The following AMD1 variants were observed in gnomAD, a reference collection of about 807,000 sequenced individuals.
AMD1 encodes the protein adenosylmethionine decarboxylase 1, also known as S-adenosylmethionine decarboxylase proenzyme.
Under a neutral mutation model 40.2 loss-of-function variants are expected in AMD1, and 11 were observed. That is an observed-to-expected ratio of 0.27 (90% CI 0.17 to 0.45). AMD1 has a LOEUF of 0.45. Ranked by LOEUF, AMD1 falls within the 20% of genes least tolerant of loss-of-function variation. The probability of loss-of-function intolerance (pLI) is 1.00; values close to 1 mark genes in which losing one functional copy is unlikely to be tolerated. For synonymous variants in AMD1, 121 were observed against 130.8 expected (o/e 0.93, Z 0.51); for missense variants, 257 against 410.2 (o/e 0.63, Z 3.23).
chr6:110,879,766 A>G (rs556047220), intron 1 of AMD1, among the ~76,000 whole-genome samples: 1 of 152,288 alleles, frequency 6.6e-6, no homozygotes, highest in African/African-American at 2.4e-5. Flanking sequence ...AATTACCTGA[A>G]CTCTGAAACC....
chr6:110,892,885 TA>T (rs1304245696), intron 7 of AMD1, 24 bp from the exon 8 acceptor site: 3 of 1,613,258 alleles, frequency 1.9e-6, no homozygotes, highest in Middle Eastern at 1.7e-4. Flanking sequence ...TTTCCATTCT[TA>T]ACACTGTGAA....
intron 8 of AMD1, 140 bp from the exon 9 acceptor site, chr6:110,893,336 C>G: frequency 8.4e-7 from 1 of 1,184,658 alleles, no homozygotes; most frequent in South Asian, 1.5e-5. Flanking sequence ...ATGCCCTGGC[C>G]CCTCCAGCAC....
chr6:110,877,856 A>C (rs1232987057), intron 1 of AMD1, among the ~76,000 whole-genome samples: 1 of 152,212 alleles, frequency 6.6e-6, no homozygotes, highest in Non-Finnish European at 1.5e-5. Context: ...GAACAGATGG[A>C]ATTAAACAAA....
At chr6:110,858,487 C>G in the AMD1 span, 1 of 1,407,532 alleles carries the variant, frequency 7.1e-7, no homozygotes, top group Non-Finnish European at 1.0e-6. Context: ...AGAACTGGCA[C>G]CAACTAGAAA....
At chr6:110,838,421 T>A in the AMD1 span, among the ~76,000 whole-genome samples, 1 of 152,014 alleles carries the variant, frequency 6.6e-6, no homozygotes, top group Non-Finnish European at 1.5e-5. Context: ...GAATTAGAGA[T>A]AATCCACTTC....
chr6:110,860,866 CACACAGAG>C, the AMD1 span, among the ~76,000 whole-genome samples: 309 of 145,564 alleles, frequency 2.1e-3, no homozygotes, highest in African/African-American at 8.0e-3. Flanking sequence ...CACACACACA[CACACAGAG>C]AGAGAGAACA....
At chr6:110,843,653 C>G in the AMD1 span, among the ~76,000 whole-genome samples, 1 of 152,106 alleles carries the variant, frequency 6.6e-6, no homozygotes, top group Non-Finnish European at 1.5e-5. Flanking sequence ...GTGGCGCCAT[C>G]TTGGCTCACT....
chr6:110,855,065 C>CTCTT, the AMD1 span, among the ~76,000 whole-genome samples: 24 of 80,466 alleles, frequency 3.0e-4, no homozygotes, highest in African/African-American at 1.1e-3. Flanking sequence ...CTCTCTCTCT[C>CTCTT]TTTTTTTTTT....
chr6:110,891,348 A>G (rs758565958), intron 4 of AMD1: 3 of 152,238 alleles, frequency 2.0e-5, no homozygotes, highest in Non-Finnish European at 2.9e-5. Flanking sequence ...ATGAAGAAGG[A>G]TATGATTCCC....
the AMD1 span, among the ~76,000 whole-genome samples, chr6:110,862,484 TGAGACA>T: frequency 6.6e-6 from 1 of 151,292 alleles, no homozygotes; most frequent in African/African-American, 2.4e-5. Flanking sequence ...TTTTTTTTTT[TGAGACA>T]GAGTTTTGCT....
the AMD1 span, among the ~76,000 whole-genome samples, chr6:110,854,712 T>C: frequency 6.6e-6 from 1 of 152,164 alleles, no homozygotes; most frequent in Non-Finnish European, 1.5e-5. Flanking sequence ...CCTCCCAAAG[T>C]GCTAGGATTA....
At chr6:110,831,657 A>G in the AMD1 span, among the ~76,000 whole-genome samples, 332 of 151,916 alleles carry the variant, frequency 2.2e-3, 8 homozygotes, top group Admixed American at 0.017. Flanking sequence ...TGTCAATTCC[A>G]TCTTTCACTT....
At chr6:110,839,957 T>C in the AMD1 span, among the ~76,000 whole-genome samples, 1 of 151,714 alleles carries the variant, frequency 6.6e-6, no homozygotes. Flanking sequence ...GATTAATTAA[T>C]ATCACCCCCA....
At chr6:110,835,877 C>A in the AMD1 span, among the ~76,000 whole-genome samples, 2 of 150,302 alleles carry the variant, frequency 1.3e-5, no homozygotes, top group Non-Finnish European at 3.0e-5. Context: ...CCACCCCACC[C>A]CCCAAAAAAA....
the AMD1 span, among the ~76,000 whole-genome samples, chr6:110,829,513 A>C: frequency 6.6e-6 from 1 of 150,380 alleles, no homozygotes; most frequent in Admixed American, 6.6e-5. Context: ...CTAAAAATAC[A>C]AAAAAATTAG....
the AMD1 span, among the ~76,000 whole-genome samples, chr6:110,832,977 C>T: frequency 5.3e-5 from 8 of 152,118 alleles, no homozygotes; most frequent in South Asian, 2.1e-4. Flanking sequence ...CCCACCACCA[C>T]GCCTGGCCAA....
intron 3 of AMD1, 91 bp from the exon 4 acceptor site, chr6:110,890,163 T>TA (rs1295058663): frequency 4.2e-6 from 4 of 949,074 alleles, no homozygotes; most frequent in Non-Finnish European, 6.2e-6. Context: ...GAGTTTTTGA[T>TA]ATGTGGACAA....
chr6:110,881,872 A>C (rs912138176), intron 1 of AMD1, among the ~76,000 whole-genome samples: 1 of 152,142 alleles, frequency 6.6e-6, no homozygotes, highest in Non-Finnish European at 1.5e-5. Context: ...ATAATTTCTA[A>C]TGACTAGATC....
At chr6:110,832,366 G>T in the AMD1 span, among the ~76,000 whole-genome samples, 1 of 150,706 alleles carries the variant, frequency 6.6e-6, no homozygotes, top group Non-Finnish European at 1.5e-5. Flanking sequence ...TCCAAAGCTG[G>T]TCTCAAACTC....
Sources: allele counts gnomAD v4.1 joint callset (sites outside exome capture counted in the v4.1 genomes callset), GRCh38; gene constraint gnomAD v4.1.1; transcripts MANE v1.5; gene names NCBI Gene and HGNC (gene_info 2026-07-23, HGNC 2026-07-21).